Variants in SEMA5B observed in about 807,000 individuals in gnomAD.
SEMA5B encodes semaphorin-5B.
In SEMA5B, 66 loss-of-function variants were observed where a neutral mutation model predicts 135.0. The observed-to-expected ratio is 0.49, with a 90% CI of 0.40 to 0.60. SEMA5B has a LOEUF of 0.60. Ranked by LOEUF, SEMA5B falls within the 20% of genes least tolerant of loss-of-function variation. The pLI is 0.00. For synonymous variants in SEMA5B, 690 were observed against 639.5 expected (o/e 1.08, Z -1.19); for missense variants, 1,501 against 1,566.3 (o/e 0.96, Z 0.70).
At chr3:122,993,253 C>T (rs1341643358) in intron 1 of SEMA5B, 1 of 152,390 alleles carries the variant, frequency 6.6e-6, no homozygotes, top group Non-Finnish European at 1.5e-5. Context: ...AGCCTCACTC[C>T]CAGCACCAGA....
chr3:122,959,493 G>C (rs1032657567), intron 2 of SEMA5B, among the ~76,000 whole-genome samples: 2 of 152,166 alleles, frequency 1.3e-5, no homozygotes, highest in African/African-American at 4.8e-5. Context: ...TCATAAACAT[G>C]GTCTATAATC....
chr3:122,968,389 T>C (rs973601856), intron 1 of SEMA5B, among the ~76,000 whole-genome samples: 1 of 152,212 alleles, frequency 6.6e-6, no homozygotes, highest in African/African-American at 2.4e-5. Context: ...GGCTCTTTTT[T>C]CAGGGTTTGC....
chr3:122,972,063 TCTC>T (rs1346605018), intron 1 of SEMA5B, among the ~76,000 whole-genome samples: 1 of 152,176 alleles, frequency 6.6e-6, no homozygotes. Flanking sequence ...CTGGGTCACT[TCTC>T]CAGTGTGGAG....
intron 1 of SEMA5B, among the ~76,000 whole-genome samples, chr3:122,962,489 C>T (rs1407997112): frequency 2.0e-5 from 3 of 152,118 alleles, no homozygotes; most frequent in African/African-American, 4.8e-5. Context: ...AGAAAGAGGA[C>T]GGCCACAAAA....
At chr3:122,921,888 C>A in intron 12 of SEMA5B, 27 bp downstream of exon 12, 1 of 1,518,738 alleles carries the variant, frequency 6.6e-7, no homozygotes, top group Non-Finnish European at 8.8e-7. Context: ...CAGTGGAGGC[C>A]TCGGGAGCCG....
intron 1 of SEMA5B, among the ~76,000 whole-genome samples, chr3:122,986,881 A>G (rs1359955274): frequency 6.6e-6 from 1 of 152,224 alleles, no homozygotes; most frequent in African/African-American, 2.4e-5. Flanking sequence ...ATGTTCCTGC[A>G]TAAAACATGA....
chr3:122,976,104 T>C, intron 1 of SEMA5B: 1 of 1,535,418 alleles, frequency 6.5e-7, no homozygotes, highest in Non-Finnish European at 8.7e-7. Context: ...AATGGCTTCC[T>C]CTGCTGACAG....
chr3:122,956,269 G>C (rs1940298674), intron 2 of SEMA5B, among the ~76,000 whole-genome samples: 1 of 152,226 alleles, frequency 6.6e-6, no homozygotes, highest in Admixed American at 6.5e-5. Flanking sequence ...TTCCCTGTGG[G>C]TTCTGGGTTT....
At chr3:122,924,005 G>C (rs1048678479) in intron 9 of SEMA5B, among the ~76,000 whole-genome samples, 1 of 151,476 alleles carries the variant, frequency 6.6e-6, no homozygotes, top group Non-Finnish European at 1.5e-5. Flanking sequence ...TCCCTTATTC[G>C]GGGGCGCTGA....
intron 2 of SEMA5B, among the ~76,000 whole-genome samples, chr3:122,959,243 G>A (rs1019068309): frequency 2.6e-5 from 4 of 152,202 alleles, no homozygotes; most frequent in Admixed American, 6.5e-5. Flanking sequence ...GGCGGGTATT[G>A]TAATCGTCGC....
chr3:122,918,761 G>A (rs1576333029), intron 12 of SEMA5B, among the ~76,000 whole-genome samples: 3 of 152,164 alleles, frequency 2.0e-5, no homozygotes, highest in African/African-American at 4.8e-5. Flanking sequence ...GCCAGTGCCC[G>A]AGCTCTCTTC....
At chr3:122,939,522 C>T (rs1194045205) in intron 4 of SEMA5B, 52 bp from the exon 5 acceptor site, 2 of 1,484,808 alleles carry the variant, frequency 1.3e-6, no homozygotes, top group South Asian at 2.3e-5. Flanking sequence ...GCAGGCAGGA[C>T]CCAGGGAGCA....
rs1302488348 is a variant in SEMA5B, at chr3:122,922,002, A to C, written c.1601T>G (p.Leu534Arg). ...CACGAAGAGCGCGCGGGCGCTGTGC[A>C]GGATGCGCAGGCTGCGCAGGGGCTC... ...RREPLRSLRI[L>R]HSARALFVGL... Residue 534 changes from leucine (L) to arginine (R), a missense_variant, in exon 12 of 23, where the codon CTG becomes CGG. Around this residue, in one of 2 missense-constraint regions of SEMA5B, gnomAD observed 927 missense variants for 881.6 expected, o/e 1.05. Coordinates refer to ENST00000357599, the MANE Select transcript of SEMA5B (RefSeq NM_001031702.4). 6.5e-7 allele frequency: 1 copy of C among 1,529,140 alleles called. No homozygotes were observed. Among genetic ancestry groups the C allele is most frequent in the Non-Finnish European group, 8.8e-7 (1 of 1,141,142 alleles). 94.7% of individuals were successfully genotyped at this position (1,529,140 alleles called of 1,614,324 possible).
chr3:122,939,603 G>A, intron 4 of SEMA5B, 133 bp from the exon 5 acceptor site: 1 of 666,772 alleles, frequency 1.5e-6, no homozygotes, highest in Admixed American at 2.6e-5. Context: ...CCTAAGGAGA[G>A]CTTTACCTCC....
chr3:122,946,678 C>A (rs1463170472), intron 3 of SEMA5B, among the ~76,000 whole-genome samples: 1 of 152,142 alleles, frequency 6.6e-6, no homozygotes, highest in Non-Finnish European at 1.5e-5. Flanking sequence ...TGACTTTTAA[C>A]CAACAATACG....
chr3:122,918,697 C>T (rs1009277346), intron 12 of SEMA5B, among the ~76,000 whole-genome samples: 3 of 152,238 alleles, frequency 2.0e-5, no homozygotes, highest in African/African-American at 4.8e-5. Flanking sequence ...TTCATGGACA[C>T]GCCTGCCCTG....
In SEMA5B at chr3:122,922,460, G is replaced by T. The variant is rs1938413487; in HGVS notation, c.1273-13C>A. 10 of 1,577,336 alleles carry T rather than the reference G, an allele frequency of 6.3e-6. No homozygotes were observed. The highest frequency in any genetic ancestry group is 8.6e-6 in the Non-Finnish European group (10 of 1,163,214). On this transcript the variant is annotated splice_polypyrimidine_tract_variant and intron_variant, in intron 10 of 22. Transcript: ENST00000357599. ...GCAGGGTGCCACACTGCCGCGGGGAGCCAGGTCACGCGCGCCCCGGCCACC... is the reference window on the plus strand; with the variant it reads ...GCAGGGTGCCACACTGCCGCGGGGATCCAGGTCACGCGCGCCCCGGCCACC...
chr3:122,922,216 C>T, intron 11 of SEMA5B, 24 bp downstream of exon 11: 1 of 1,598,220 alleles, frequency 6.3e-7, no homozygotes. Flanking sequence ...GACCTGCAGT[C>T]CAGGTTGGAC....
At chr3:122,942,968 A>G (rs1939623124) in intron 4 of SEMA5B, among the ~76,000 whole-genome samples, 1 of 152,202 alleles carries the variant, frequency 6.6e-6, no homozygotes, top group Non-Finnish European at 1.5e-5. Context: ...GGATCTGAAC[A>G]GTGGACTAAG....
Sources: allele counts gnomAD v4.1 joint callset (sites outside exome capture counted in the v4.1 genomes callset), GRCh38; gene constraint gnomAD v4.1.1; regional missense constraint gnomAD v4.1.1; transcripts MANE v1.5; gene names NCBI Gene and HGNC (gene_info 2026-07-23, HGNC 2026-07-21).